RNF130: variants seen among roughly 807,000 people sequenced by gnomAD.
The protein encoded by RNF130 is E3 ubiquitin-protein ligase RNF130.
Under a neutral mutation model 44.6 loss-of-function variants are expected in RNF130, and 21 were observed. The observed-to-expected ratio is 0.47, with a 90% CI of 0.33 to 0.68. The LOEUF (loss-of-function observed/expected upper bound fraction) is 0.68. Ranked by LOEUF, RNF130 falls within the 30% of genes least tolerant of loss-of-function variation. The pLI is 0.02. For synonymous variants in RNF130, 214 were observed against 210.4 expected (o/e 1.02, Z -0.15); for missense variants, 479 against 560.6 (o/e 0.85, Z 1.47).
intron 3 of RNF130, among the ~76,000 whole-genome samples, chr5:179,983,045 C>T (rs1247444668): frequency 6.6e-6 from 1 of 152,046 alleles, no homozygotes; most frequent in African/African-American, 2.4e-5. Flanking sequence ...TGTGTTTTGC[C>T]TATATTTCTG....
intron 2 of RNF130, among the ~76,000 whole-genome samples, chr5:180,027,160 G>A (rs1024909903): frequency 2.6e-5 from 4 of 152,168 alleles, no homozygotes; most frequent in Non-Finnish European, 4.4e-5. Flanking sequence ...GTGAAAGCAC[G>A]GGTCTCTGGG....
chr5:179,920,159 G>A, exon 8 of RNF130: 1 of 562,476 alleles, frequency 1.8e-6, no homozygotes. Flanking sequence ...GCCTCACCTT[G>A]GGGGAACTTT....
intron 7 of RNF130, among the ~76,000 whole-genome samples, chr5:179,925,871 AAC>A (rs2113672639): frequency 1.3e-5 from 2 of 152,314 alleles, no homozygotes; most frequent in African/African-American, 4.8e-5. Context: ...GTAGGCCCAG[AAC>A]ACAGACTCCA....
At chr5:179,951,173 A>G (rs1762118637), downstream of RNF130, among the ~76,000 whole-genome samples, 1 of 152,194 alleles carries the variant, frequency 6.6e-6, no homozygotes, top group South Asian at 2.1e-4. Context: ...TCAACCCCGT[A>G]TGCACCTAAC....
intron 3 of RNF130, among the ~76,000 whole-genome samples, chr5:179,997,209 T>C (rs949009587): frequency 6.6e-6 from 1 of 152,222 alleles, no homozygotes; most frequent in African/African-American, 2.4e-5. Context: ...TGGCGTGATC[T>C]TGGCTCACTG....
intron 3 of RNF130, among the ~76,000 whole-genome samples, chr5:179,984,872 A>G (rs971346152): frequency 1.3e-5 from 2 of 152,208 alleles, no homozygotes; most frequent in East Asian, 3.9e-4. Context: ...GGAAATGCTC[A>G]CTAGAGCATT....
intron 8 of RNF130, among the ~76,000 whole-genome samples, chr5:179,960,940 A>T (rs1287007716): frequency 6.6e-6 from 1 of 152,308 alleles, no homozygotes; most frequent in African/African-American, 2.4e-5. Flanking sequence ...TTAATAACGA[A>T]TAATTACAAA....
intron 7 of RNF130, among the ~76,000 whole-genome samples, chr5:179,931,240 T>C (rs1761803100): frequency 6.6e-6 from 1 of 152,020 alleles, no homozygotes; most frequent in Non-Finnish European, 1.5e-5. Flanking sequence ...GGCGATACAG[T>C]GTGGGGTGCC....
At chr5:179,923,746 G>A (rs750337598) in intron 7 of RNF130, among the ~76,000 whole-genome samples, 3 of 152,082 alleles carry the variant, frequency 2.0e-5, no homozygotes, top group African/African-American at 4.8e-5. Context: ...AACCTATTTC[G>A]GTCCTGGGGG....
chr5:179,985,053 T>C (rs944631723), intron 3 of RNF130, among the ~76,000 whole-genome samples: 3 of 152,042 alleles, frequency 2.0e-5, no homozygotes, highest in Non-Finnish European at 4.4e-5. Context: ...AACACCCATT[T>C]CCATCAAGTC....
At chr5:179,931,880 G>A (rs1023824638) in intron 7 of RNF130, among the ~76,000 whole-genome samples, 2 of 152,084 alleles carry the variant, frequency 1.3e-5, no homozygotes, top group African/African-American at 2.4e-5. Flanking sequence ...AGCTGTCCCA[G>A]CCAGTGCCAA....
chr5:179,944,341 C>A (rs1311349202), intron 7 of RNF130, among the ~76,000 whole-genome samples: 2 of 152,132 alleles, frequency 1.3e-5, no homozygotes, highest in Non-Finnish European at 2.9e-5. Context: ...AAGGATCTGA[C>A]AAGTTTTAAG....
intron 7 of RNF130, among the ~76,000 whole-genome samples, chr5:179,945,381 A>T (rs156098): frequency 0.019 from 2,858 of 152,268 alleles, 75 homozygotes; most frequent in African/African-American, 0.064. Flanking sequence ...GTGGTACCTG[A>T]GCAAGGCGTT....
chr5:180,065,544 A>G (rs1001581832), intron 1 of RNF130, among the ~76,000 whole-genome samples: 2 of 152,200 alleles, frequency 1.3e-5, no homozygotes, highest in Non-Finnish European at 2.9e-5. Flanking sequence ...GCGGATCATG[A>G]GGTCAGGAGA....
intron 2 of RNF130, among the ~76,000 whole-genome samples, chr5:180,017,868 T>G (rs1446307066): frequency 6.6e-6 from 1 of 152,202 alleles, no homozygotes; most frequent in East Asian, 1.9e-4. Flanking sequence ...TGAACTTCAG[T>G]TTCTTCTTTC....
chr5:180,050,445 T>C (rs966698498), intron 1 of RNF130, among the ~76,000 whole-genome samples: 2 of 152,218 alleles, frequency 1.3e-5, no homozygotes, highest in African/African-American at 4.8e-5. Context: ...GCAATCTGCT[T>C]TATTCGGTCT....
At chr5:180,006,520 C>T (rs1561689421) in intron 3 of RNF130, among the ~76,000 whole-genome samples, 1 of 152,136 alleles carries the variant, frequency 6.6e-6, no homozygotes. Context: ...ATTATATACA[C>T]ATGTTATGGC....
In RNF130 at chr5:179,977,000, C is replaced by G. The variant is rs149850291; in HGVS notation, c.848+1203G>C. On this transcript the variant is annotated intron_variant, in intron 5 of 8. Coordinates refer to ENST00000521389, the MANE Select transcript of RNF130 (RefSeq NM_018434.6). ...CACAGGAGAAACCAACATGCTGTTT[C>G]CAGGGCAACCAGGCACAGGCGAGTC... 7.7e-4 allele frequency: 117 copies of G among 152,290 alleles called. 1 individual carries two copies. The highest frequency in any genetic ancestry group is 2.6e-3 in the African/African-American group (107 of 41,552). The allele number at this position is 152,290 out of a possible 1,614,324, so 9.4% of individuals were successfully genotyped here.
At chr5:179,991,140 G>C (rs1366999828) in intron 3 of RNF130, among the ~76,000 whole-genome samples, 1 of 152,146 alleles carries the variant, frequency 6.6e-6, no homozygotes, top group African/African-American at 2.4e-5. Flanking sequence ...GGCTTGTGTA[G>C]TGTATCTTTC....
Sources: gnomAD v4.1 joint callset for allele counts (sites outside exome capture counted in the v4.1 genomes callset) on GRCh38, gnomAD v4.1.1 for gene constraint, MANE v1.5 for transcripts, NCBI Gene and HGNC (gene_info 2026-07-23, HGNC 2026-07-21) for gene names.